POLR1C: variants seen among roughly 807,000 people sequenced by gnomAD.
POLR1C encodes DNA-directed RNA polymerases I and III subunit RPAC1.
POLR1C carries 42 observed loss-of-function variants against 38.3 expected under a neutral mutation model. The ratio of observed to expected loss-of-function variants is 1.10; its 90% CI spans 0.86 to 1.42. The LOEUF (loss-of-function observed/expected upper bound fraction) is 1.42. POLR1C is among the 40% of genes most tolerant of loss of function. POLR1C has a pLI of 0.00. For synonymous variants in POLR1C, 163 were observed against 163.9 expected, an observed-to-expected ratio of 0.99 and a Z score of 0.04; for missense variants, 507 against 450.5, an observed-to-expected ratio of 1.13 and a Z score of -1.14.
intron 9 of POLR1C, chr6:43,539,851 C>T (rs1794592891): frequency 2.0e-6 from 1 of 504,018 alleles, no homozygotes; most frequent in Admixed American, 3.8e-5. Flanking sequence ...TTAACTACTA[C>T]CAATATAATT....
At position 43,521,270 on chromosome 6, in the gene POLR1C, G is replaced by A. The variant is rs751272699; in HGVS notation, c.1011G>A (p.Leu337=). The part of the protein sequence containing the change: ...KVLMGKCRRF[L]DELDAVQMD ...TGATGGGGAAGTGCCGGCGCTTCTTGGATGAACTAGATGCGGTTCAGATGG... is the reference window on the plus strand; with the variant it reads ...TGATGGGGAAGTGCCGGCGCTTCTTAGATGAACTAGATGCGGTTCAGATGG... The change falls in exon 9 of 9, where the codon TTG becomes TTA. Residue 337 remains leucine, a synonymous_variant. Coordinates refer to ENST00000642195, the MANE Select transcript of POLR1C (RefSeq NM_203290.4). 6.2e-7 allele frequency: 1 copy of A among 1,612,718 alleles called. No homozygotes were observed. The highest frequency in any genetic ancestry group is 1.1e-5 in the South Asian group (1 of 91,016).
intron 9 of POLR1C, chr6:43,544,312 G>A (rs1468097686): frequency 1.3e-5 from 2 of 153,892 alleles, no homozygotes; most frequent in African/African-American, 2.4e-5. Context: ...AATAGGAGTA[G>A]TAAATTTATA....
rs985268453 is a variant in POLR1C at position 43,518,132 on chromosome 6, G to A, written c.141+755G>A. ...TGTGTCTTGGGCACTGTTGATGATA[G>A]GGAGATTGAATAGTTCTTAAGCAGA... On this transcript the variant is annotated intron_variant, in intron 2 of 8. Transcript: ENST00000642195. 3.9e-5 allele frequency among the ~76,000 whole-genome samples: 6 copies of A among 152,254 alleles called. No individual in the cohort carries two copies. The South Asian group carries it at 1.2e-3, about 32-fold the overall frequency.
At chr6:43,559,893 G>A (rs1036641441) in intron 10 of POLR1C, among the ~76,000 whole-genome samples, 5 of 151,940 alleles carry the variant, frequency 3.3e-5, no homozygotes, top group Non-Finnish European at 7.4e-5. Context: ...TCAGCTCAAT[G>A]CAGCTTCAAC....
chr6:43,549,131 G>A (rs1795107801), intron 9 of POLR1C, among the ~76,000 whole-genome samples: 1 of 152,122 alleles, frequency 6.6e-6, no homozygotes, highest in Admixed American at 6.6e-5. Context: ...GCGTGATCTT[G>A]GCTCACTGCA....
chr6:43,525,994 G>T (rs778143701), downstream of POLR1C: 2 of 1,549,608 alleles, frequency 1.3e-6, no homozygotes, highest in East Asian at 2.3e-5. Flanking sequence ...TGACAGAAGC[G>T]CAAAAAACAA....
At chr6:43,531,336 C>T (rs560435636), downstream of POLR1C, 16 of 730,758 alleles carry the variant, frequency 2.2e-5, no homozygotes, top group African/African-American at 2.3e-4. Flanking sequence ...GCTTTCATTT[C>T]TATTTAACAC....
chr6:43,524,788 G>A, downstream of POLR1C: 3 of 1,609,814 alleles, frequency 1.9e-6, no homozygotes, highest in Non-Finnish European at 2.5e-6. Flanking sequence ...CAGACTGAGT[G>A]ATGAAGCTGC....
At chr6:43,551,183 T>C (rs997091514) in intron 10 of POLR1C, 2 of 1,136,108 alleles carry the variant, frequency 1.8e-6, no homozygotes, top group Non-Finnish European at 2.4e-6. Context: ...TTGAGACTAG[T>C]AATTTGAGTC....
At position 43,520,059 on chromosome 6, in the gene POLR1C, T is replaced by A; in HGVS notation, c.383-7T>A. 1 of 1,614,198 alleles carries A rather than the reference T, an allele frequency of 6.2e-7. No individual in the cohort carries two copies. Among genetic ancestry groups the A allele is most frequent in the Non-Finnish European group, 8.5e-7 (1 of 1,180,014 alleles). ...CTAGTTCTTAGGAGCTCCCTCCATT[T>A]GTGCAGGAGATGAAGAAGGCACAGA... On this transcript the variant is annotated splice_region_variant and splice_polypyrimidine_tract_variant and intron_variant, in intron 4 of 8. Transcript: ENST00000642195.
chr6:43,529,568 A>AG (rs1491337790), exon 9 of POLR1C: 1 of 182,396 alleles, frequency 5.5e-6, no homozygotes, highest in Non-Finnish European at 1.1e-5. Context: ...AAAAAAAAAA[A>AG]GAAAAGAAAG....
In POLR1C at chr6:43,535,746, G is replaced by A. The variant is rs562845815; in HGVS notation, c.*4+6387G>A. 3.3e-5 allele frequency among the ~76,000 whole-genome samples: 5 copies of A among 150,802 alleles called. No individual in the cohort carries two copies. The South Asian group carries it at 8.4e-4, about 25-fold the overall frequency. ...GGAGAATGGCGTGAACCCGGGAGGC[G>A]GAGCTTGCAATGAGCTGAAATCGCG... On this transcript the variant is annotated intron_variant, in intron 9 of 10. Coordinates refer to the POLR1C transcript ENST00000607635.
At position 43,520,074 on chromosome 6, in the gene POLR1C, G is replaced by A; in HGVS notation, c.391G>A (p.Glu131Lys). The A allele has an allele frequency of 6.2e-7, 1 of 1,614,190 alleles. No homozygotes were observed. Among genetic ancestry groups the A allele is most frequent in the Non-Finnish European group, 8.5e-7 (1 of 1,180,030 alleles). The change falls in exon 5 of 9, where the codon GAA (glutamate) becomes AAA (lysine). Residue 131 changes from glutamate (E) to lysine (K), a missense_variant. Coordinates refer to ENST00000642195, the MANE Select transcript of POLR1C (RefSeq NM_203290.4). Reference sequence around the variant, plus strand: ...TCCCTCCATTTGTGCAGGAGATGAAGAAGGCACAGAGATAGATACTCTACA... The same window carrying A: ...TCCCTCCATTTGTGCAGGAGATGAAAAAGGCACAGAGATAGATACTCTACA... ...LFEYRNQGDE[E>K]GTEIDTLQFR... is the part of the protein sequence containing the mutation.
At position 43,517,152 on chromosome 6, in the gene POLR1C, G is replaced by T. The variant is rs765407319; in HGVS notation, c.43G>T (p.Val15Phe). The change falls in exon 1 of 9, where the codon GTT (valine) becomes TTT (phenylalanine). Residue 15 changes from valine to phenylalanine, a missense_variant. Transcript: ENST00000642195. ...GGTGGAGGAAATGCGGAGCCGCGTG[G>T]TTCTGGGGGAGTTTGGGGTTCGCAA... ...QAVEEMRSRV[V>F]LGEFGVRNVH... The T allele has an allele frequency of 6.2e-7, 1 of 1,614,166 alleles. No homozygotes were observed. Among genetic ancestry groups the T allele is most frequent in the South Asian group, 1.1e-5 (1 of 91,078 alleles).
downstream of POLR1C, chr6:43,524,370 AAT>A (rs1793406057): frequency 7.0e-6 from 10 of 1,419,850 alleles, no homozygotes; most frequent in African/African-American, 8.7e-5. Flanking sequence ...AAAAAAAAAA[AAT>A]CTCACCATAA....
downstream of POLR1C, chr6:43,521,514 CTT>C (rs1221471530): frequency 1.5e-6 from 2 of 1,299,532 alleles, no homozygotes; most frequent in African/African-American, 1.5e-5. Flanking sequence ...AACAAAAAAA[CTT>C]TTTGAGACTA....
At chr6:43,524,067 T>C, downstream of POLR1C, 2 of 1,576,392 alleles carry the variant, frequency 1.3e-6, no homozygotes, top group East Asian at 2.3e-5. Context: ...AAAGATTCTC[T>C]TGGCCCGGCG....
chr6:43,534,239 A>G (rs1359298789), downstream of POLR1C, among the ~76,000 whole-genome samples: 4 of 152,190 alleles, frequency 2.6e-5, no homozygotes, highest in African/African-American at 9.7e-5. Context: ...ATGAGAACTA[A>G]ACCCCAAGAC....
chr6:43,539,734 T>C, intron 9 of POLR1C: 1 of 617,402 alleles, frequency 1.6e-6, no homozygotes, highest in Non-Finnish European at 2.8e-6. Flanking sequence ...AAGCTACATT[T>C]TTCTATTCTT....
Sources: gnomAD v4.1 joint callset for allele counts (sites outside exome capture counted in the v4.1 genomes callset) on GRCh38, gnomAD v4.1.1 for gene constraint, MANE v1.5 for transcripts, NCBI Gene and HGNC (gene_info 2026-07-23, HGNC 2026-07-21) for gene names.